The following NKAIN2 variants were observed in gnomAD, a reference collection of about 807,000 sequenced individuals.
The protein encoded by NKAIN2 is sodium/potassium-transporting ATPase subunit beta-1-interacting protein 2.
NKAIN2 carries 14 observed loss-of-function variants against 32.6 expected under a neutral mutation model. The observed-to-expected ratio is 0.43, with a 90% CI of 0.28 to 0.67. The LOEUF is 0.67. NKAIN2 is among the 30% of genes least tolerant of loss of function. The probability of loss-of-function intolerance (pLI) is 0.17; values close to 1 mark genes in which losing one functional copy is unlikely to be tolerated. For synonymous variants in NKAIN2, 80 were observed against 87.2 expected, an observed-to-expected ratio of 0.92 and a Z score of 0.46; for missense variants, 198 against 258.3, an observed-to-expected ratio of 0.77 and a Z score of 1.60.
At chr6:123,849,111 G>A (rs1210102238) in intron 1 of NKAIN2, among the ~76,000 whole-genome samples, 2 of 152,074 alleles carry the variant, frequency 1.3e-5, no homozygotes, top group Non-Finnish European at 2.9e-5. Context: ...CTTGCTCCGG[G>A]AATCCTACAC....
chr6:124,456,622 T>A (rs1034566436), intron 3 of NKAIN2, among the ~76,000 whole-genome samples: 2 of 151,966 alleles, frequency 1.3e-5, no homozygotes, highest in Non-Finnish European at 2.9e-5. Flanking sequence ...TAAATATTTT[T>A]TTGCCCATTT....
At position 123,963,555 on chromosome 6, in the gene NKAIN2, C is replaced by T. The variant is rs369721952; in HGVS notation, c.54+159301C>T. 1.2e-4 allele frequency among the ~76,000 whole-genome samples: 18 copies of T among 152,170 alleles called. No individual in the cohort carries two copies. The East Asian group carries it at 3.1e-3, about 26-fold the overall frequency. ...AATTATAAAATGAACATAAAAATTG[C>T]ACCAATATTATGGTATTGTTATGAA... is the stretch of plus-strand genomic sequence containing the variant. On this transcript the variant is annotated intron_variant, in intron 1 of 6. Coordinates refer to ENST00000368417, the MANE Select transcript of NKAIN2 (RefSeq NM_001040214.3).
At chr6:124,723,455 T>G (rs1300118025) in intron 4 of NKAIN2, among the ~76,000 whole-genome samples, 1 of 152,184 alleles carries the variant, frequency 6.6e-6, no homozygotes, top group Non-Finnish European at 1.5e-5. Context: ...TCCCTTCTTT[T>G]AATCAGTAAA....
chr6:123,918,918 C>G (rs2114484089), intron 1 of NKAIN2, among the ~76,000 whole-genome samples: 1 of 152,068 alleles, frequency 6.6e-6, no homozygotes, highest in East Asian at 1.9e-4. Context: ...TGCATTCTAT[C>G]TAAAAGTTTA....
chr6:123,806,623 G>C (rs548380616), intron 1 of NKAIN2, among the ~76,000 whole-genome samples: 28 of 152,100 alleles, frequency 1.8e-4, no homozygotes, highest in South Asian at 1.7e-3. Context: ...TGAGTAGATT[G>C]TTTTACAAAT....
intron 1 of NKAIN2, among the ~76,000 whole-genome samples, chr6:123,830,325 G>A (rs1237013845): frequency 6.6e-6 from 1 of 152,104 alleles, no homozygotes; most frequent in Non-Finnish European, 1.5e-5. Context: ...TTTCCCTGCT[G>A]TTAACACTTC....
chr6:124,175,103 T>C (rs1166809896), intron 1 of NKAIN2, among the ~76,000 whole-genome samples: 1 of 152,152 alleles, frequency 6.6e-6, no homozygotes, highest in Non-Finnish European at 1.5e-5. Context: ...CATTGTAACT[T>C]GGGTTATCAA....
intron 1 of NKAIN2, among the ~76,000 whole-genome samples, chr6:124,140,194 CT>C (rs1442712934): frequency 2.0e-5 from 3 of 152,136 alleles, no homozygotes; most frequent in African/African-American, 7.2e-5. Flanking sequence ...TGAGACCTTC[CT>C]TTTGCATAAT....
intron 3 of NKAIN2, among the ~76,000 whole-genome samples, chr6:124,552,448 T>C (rs1448047168): frequency 6.6e-6 from 1 of 152,178 alleles, no homozygotes; most frequent in Non-Finnish European, 1.5e-5. Flanking sequence ...CAGTAGCTGG[T>C]GGCCAACTCT....
intron 2 of NKAIN2, among the ~76,000 whole-genome samples, chr6:124,335,182 A>T (rs1258497048): frequency 6.6e-6 from 1 of 152,208 alleles, no homozygotes; most frequent in South Asian, 2.1e-4. Context: ...TATAAAAGCA[A>T]ATTGGGAAGT....
At chr6:124,329,267 G>A (rs1032545005) in intron 2 of NKAIN2, among the ~76,000 whole-genome samples, 17 of 152,158 alleles carry the variant, frequency 1.1e-4, no homozygotes, top group East Asian at 1.9e-4. Context: ...TAAAGAATTA[G>A]CAAGCGATGC....
chr6:124,185,056 C>T (rs1310799886), intron 1 of NKAIN2, among the ~76,000 whole-genome samples: 5 of 152,040 alleles, frequency 3.3e-5, no homozygotes, highest in African/African-American at 1.2e-4. Flanking sequence ...TTTTTATGTT[C>T]ATTAGCTTCC....
intron 3 of NKAIN2, among the ~76,000 whole-genome samples, chr6:124,465,181 A>G (rs1228878759): frequency 6.6e-6 from 1 of 152,138 alleles, no homozygotes; most frequent in Non-Finnish European, 1.5e-5. Flanking sequence ...ACACATGCAC[A>G]TGTATGTTTA....
intron 1 of NKAIN2, among the ~76,000 whole-genome samples, chr6:123,857,663 T>G (rs545802424): frequency 6.6e-6 from 1 of 150,624 alleles, no homozygotes; most frequent in Admixed American, 6.6e-5. Flanking sequence ...ACAAAACACA[T>G]TTATTTAAGA....
Position 124,100,193 on chromosome 6 carries a change from C to T in NKAIN2, c.55-182812C>T, listed in dbSNP as rs114754194. On this transcript the variant is annotated intron_variant, in intron 1 of 6. Transcript: ENST00000368417. ...ATTTCCTGATCCTTGAGACACAAAGCGATGCTTGAGTGCATCTTTTGAATT... is the reference window on the plus strand; with the variant it reads ...ATTTCCTGATCCTTGAGACACAAAGTGATGCTTGAGTGCATCTTTTGAATT... Among the ~76,000 whole-genome samples the T allele has an allele frequency of 9.6e-3, 1,465 of 152,248 alleles. 32 individuals are homozygous for T. The highest frequency in any genetic ancestry group is 0.033 in the African/African-American group (1,363 of 41,548).
intron 1 of NKAIN2, among the ~76,000 whole-genome samples, chr6:124,186,733 T>A (rs1789760000): frequency 6.6e-6 from 1 of 152,184 alleles, no homozygotes; most frequent in African/African-American, 2.4e-5. Flanking sequence ...ATGCCTACTG[T>A]GGAAAATGTC....
chr6:124,076,362 G>A (rs1783695731), intron 1 of NKAIN2, among the ~76,000 whole-genome samples: 1 of 152,164 alleles, frequency 6.6e-6, no homozygotes, highest in African/African-American at 2.4e-5. Flanking sequence ...AACGGAAGAG[G>A]GAGTTGAGGT....
At chr6:124,000,898 A>AT (rs1779852283) in intron 1 of NKAIN2, among the ~76,000 whole-genome samples, 1 of 152,094 alleles carries the variant, frequency 6.6e-6, no homozygotes, top group Non-Finnish European at 1.5e-5. Flanking sequence ...CTGTAGCGTG[A>AT]TTCTTTGGTT....
At chr6:124,149,618 G>C (rs919832569) in intron 1 of NKAIN2, among the ~76,000 whole-genome samples, 3 of 152,124 alleles carry the variant, frequency 2.0e-5, no homozygotes, top group Non-Finnish European at 4.4e-5. Flanking sequence ...CTGAACTCTT[G>C]ATTTAATTCC....
Sources: allele counts gnomAD v4.1 joint callset (sites outside exome capture counted in the v4.1 genomes callset), GRCh38; gene constraint gnomAD v4.1.1; transcripts MANE v1.5; gene names NCBI Gene and HGNC (gene_info 2026-07-23, HGNC 2026-07-21).